Variants in L3MBTL3 observed in about 807,000 individuals in gnomAD.
The protein encoded by L3MBTL3 is L3MBTL histone methyl-lysine binding protein 3.
A neutral mutation model predicts 102.3 loss-of-function variants in L3MBTL3; 27 were observed. That is an observed-to-expected ratio of 0.26 (90% confidence interval 0.19 to 0.36). The LOEUF (loss-of-function observed/expected upper bound fraction) is 0.36. Ranked by LOEUF, L3MBTL3 falls within the 10% of genes least tolerant of loss-of-function variation. L3MBTL3 has a pLI of 1.00. For synonymous variants in L3MBTL3, 340 were observed against 320.9 expected (o/e 1.06, Z -0.64); for missense variants, 798 against 955.3 (o/e 0.84, Z 2.17).
chr6:130,029,057 T>A (rs6905668), intron 2 of L3MBTL3, among the ~76,000 whole-genome samples: 6,532 of 152,274 alleles, frequency 0.043, 345 homozygotes, highest in African/African-American at 0.13. Context: ...GTTTTATCAA[T>A]ACCTACTATA....
chr6:130,083,515 A>G (rs1487449158), intron 14 of L3MBTL3, 105 bp from the exon 15 acceptor site: 6 of 560,432 alleles, frequency 1.1e-5, no homozygotes, highest in Non-Finnish European at 1.6e-5. Flanking sequence ...GTATATATGA[A>G]CATAATTTTC....
chr6:130,018,703 T>C (rs1778721806), intron 1 of L3MBTL3, 39 bp downstream of exon 1: 2 of 152,362 alleles, frequency 1.3e-5, no homozygotes, highest in Admixed American at 1.3e-4. Flanking sequence ...CTAATTAATC[T>C]GAAGATTTGT....
At chr6:130,039,159 C>T (rs1194865468) in intron 2 of L3MBTL3, among the ~76,000 whole-genome samples, 1 of 152,096 alleles carries the variant, frequency 6.6e-6, no homozygotes, top group East Asian at 1.9e-4. Context: ...CACGTCTTGA[C>T]AATTGCCAAC....
At chr6:130,081,583 TA>T (rs1331952474) in intron 14 of L3MBTL3, among the ~76,000 whole-genome samples, 9 of 100,090 alleles carry the variant, frequency 9.0e-5, no homozygotes, top group Non-Finnish European at 1.3e-4. Context: ...CACACCTGGC[TA>T]TTTTTTTTTT....
At chr6:130,040,047 C>T (rs979623587) in intron 2 of L3MBTL3, among the ~76,000 whole-genome samples, 1 of 152,140 alleles carries the variant, frequency 6.6e-6, no homozygotes, top group Non-Finnish European at 1.5e-5. Context: ...TCTGTTGGGG[C>T]TAGGTGCAGT....
chr6:130,052,193 C>T (rs1781143343), intron 6 of L3MBTL3, among the ~76,000 whole-genome samples: 1 of 151,906 alleles, frequency 6.6e-6, no homozygotes, highest in South Asian at 2.1e-4. Flanking sequence ...GCAACCTCCA[C>T]ATTCCCAGGT....
intron 19 of L3MBTL3, among the ~76,000 whole-genome samples, chr6:130,113,363 A>T (rs1344848023): frequency 2.0e-5 from 3 of 152,150 alleles, no homozygotes; most frequent in Non-Finnish European, 4.4e-5. Context: ...CAGGGGTAAT[A>T]CTTCACAATG....
chr6:130,064,299 C>CTA (rs1318300320), intron 10 of L3MBTL3, among the ~76,000 whole-genome samples: 2 of 152,048 alleles, frequency 1.3e-5, no homozygotes, highest in Non-Finnish European at 2.9e-5. Context: ...CAGTGTGAGA[C>CTA]TAGAGTTTCT....
At chr6:130,118,363 G>A (rs538375931) in intron 19 of L3MBTL3, among the ~76,000 whole-genome samples, 1 of 152,280 alleles carries the variant, frequency 6.6e-6, no homozygotes, top group Admixed American at 6.5e-5. Context: ...CTCATACTGT[G>A]TTCTTAAGAA....
chr6:130,108,243 T>TG (rs1449716353), intron 19 of L3MBTL3, among the ~76,000 whole-genome samples: 5 of 142,580 alleles, frequency 3.5e-5, no homozygotes, highest in African/African-American at 5.1e-5. Context: ...TTTTTTTTTT[T>TG]TTTTTTTTTT....
intron 2 of L3MBTL3, among the ~76,000 whole-genome samples, chr6:130,037,286 C>T (rs1442839341): frequency 1.3e-5 from 2 of 152,084 alleles, no homozygotes; most frequent in East Asian, 3.9e-4. Context: ...TTAAAGTGTA[C>T]TTGCCAAAGA....
At chr6:130,066,538 C>T in intron 11 of L3MBTL3, 50 bp downstream of exon 11, 3 of 1,485,104 alleles carry the variant, frequency 2.0e-6, no homozygotes, top group Non-Finnish European at 2.8e-6. Flanking sequence ...AACTCATTTT[C>T]TTACATGCTA....
chr6:130,068,040 T>TA (rs1195187519), intron 11 of L3MBTL3, among the ~76,000 whole-genome samples: 1 of 152,210 alleles, frequency 6.6e-6, no homozygotes, highest in Non-Finnish European at 1.5e-5. Context: ...TCTACCTAAA[T>TA]ACTGGTACAA....
chr6:130,031,729 C>G (rs1360920213), intron 2 of L3MBTL3, among the ~76,000 whole-genome samples: 1 of 152,100 alleles, frequency 6.6e-6, no homozygotes, highest in East Asian at 1.9e-4. Context: ...CCAGTACCTT[C>G]CCCATGTGAC....
intron 8 of L3MBTL3, among the ~76,000 whole-genome samples, chr6:130,056,351 G>A (rs1405184313): frequency 2.0e-5 from 3 of 152,132 alleles, no homozygotes; most frequent in African/African-American, 7.2e-5. Context: ...TGTGGACCTT[G>A]GGTCACTTCC....
intron 22 of L3MBTL3, among the ~76,000 whole-genome samples, chr6:130,135,310 C>A (rs9483090): frequency 0.24 from 36,683 of 151,794 alleles, 5,459 homozygotes; most frequent in Non-Finnish European, 0.34. Context: ...GTGATCTGCC[C>A]ACCTCGGCCT....
intron 10 of L3MBTL3, among the ~76,000 whole-genome samples, chr6:130,062,555 ATTTTTT>A (rs1175015608): frequency 1.6e-5 from 2 of 124,226 alleles, no homozygotes; most frequent in Admixed American, 8.6e-5. Context: ...GCCCAGCTAA[ATTTTTT>A]TTTTTTTTTT....
In L3MBTL3 at chr6:130,107,870, C is replaced by T. The variant is rs549014492; in HGVS notation, c.1886+3295C>T. On this transcript the variant is annotated intron_variant, in intron 19 of 22. Coordinates refer to ENST00000361794, the MANE Select transcript of L3MBTL3 (RefSeq NM_032438.4). ...TGGCTTTTTGCCATTGTTCTGCATG[C>T]ATGGCCATCTAAGCTCTTAATGTAG... is the stretch of plus-strand genomic sequence containing the variant. 9.6e-4 allele frequency among the ~76,000 whole-genome samples: 146 copies of T among 152,296 alleles called. 2 individuals carry two copies. Among genetic ancestry groups the T allele is most frequent in the South Asian group, 3.3e-3 (16 of 4,826 alleles).
chr6:130,039,237 A>T (rs1397786047), intron 2 of L3MBTL3, among the ~76,000 whole-genome samples: 1 of 152,110 alleles, frequency 6.6e-6, no homozygotes, highest in Non-Finnish European at 1.5e-5. Context: ...ACATCATTTC[A>T]TCTATTCCTT....
Sources: gnomAD v4.1 joint callset for allele counts (sites outside exome capture counted in the v4.1 genomes callset) on GRCh38, gnomAD v4.1.1 for gene constraint, MANE v1.5 for transcripts, NCBI Gene and HGNC (gene_info 2026-07-23, HGNC 2026-07-21) for gene names.